PIEZO2: variants seen among roughly 807,000 people sequenced by gnomAD.
PIEZO2 encodes piezo-type mechanosensitive ion channel component 2.
A neutral mutation model predicts 337.3 loss-of-function variants in PIEZO2; 172 were observed. The observed-to-expected ratio is 0.51, with a 90% CI of 0.45 to 0.58. The LOEUF is 0.58. PIEZO2 is among the 20% of genes least tolerant of loss of function. The probability of loss-of-function intolerance (pLI) is 0.00; values close to 1 mark genes in which losing one functional copy is unlikely to be tolerated. For synonymous variants in PIEZO2, 1,251 were observed against 1,228.5 expected (o/e 1.02, Z -0.38); for missense variants, 3,028 against 3,391.3 (o/e 0.89, Z 2.66).
chr18:11,023,272 G>T (rs148875926), intron 2 of PIEZO2, among the ~76,000 whole-genome samples: 5 of 152,208 alleles, frequency 3.3e-5, no homozygotes, highest in African/African-American at 9.6e-5. Context: ...ACAGAGAGCC[G>T]AGTGGTCTGT....
chr18:11,091,276 C>T (rs1006406908), intron 1 of PIEZO2, among the ~76,000 whole-genome samples: 2 of 150,672 alleles, frequency 1.3e-5, no homozygotes, highest in African/African-American at 4.9e-5. Flanking sequence ...CCCAGCTACT[C>T]AAGAGGCTGA....
In PIEZO2 at chr18:10,893,755, A is replaced by G. The variant is rs185296664; in HGVS notation, c.329+17431T>C. ...TAGTTGTTAAATTTGGTGGGACCGAATGTTCAGTAACAGCTAACTGTTTAT... is the reference window on the plus strand; with the variant it reads ...TAGTTGTTAAATTTGGTGGGACCGAGTGTTCAGTAACAGCTAACTGTTTAT... On this transcript the variant is annotated intron_variant, in intron 4 of 55. Transcript: ENST00000674853. 8 of 152,348 alleles carry G rather than the reference A, an allele frequency of 5.3e-5. No individual in the cohort carries two copies. In the South Asian group the frequency reaches 6.2e-4, roughly 12 times the overall value. The allele number at this position is 152,348 out of a possible 1,614,324, so 9.4% of individuals were successfully genotyped here.
intron 1 of PIEZO2, among the ~76,000 whole-genome samples, chr18:11,072,506 C>T (rs989765845): frequency 5.3e-5 from 8 of 152,016 alleles, no homozygotes; most frequent in African/African-American, 1.9e-4. Flanking sequence ...ATGATTGTAC[C>T]ATCTTAAAGA....
chr18:10,988,436 A>G lies in PIEZO2; in HGVS notation c.161-8776T>C, dbSNP rs935562082. Among the ~76,000 whole-genome samples the G allele has an allele frequency of 2.0e-5, 3 of 152,220 alleles. No individual in the cohort carries two copies. Among genetic ancestry groups the G allele is most frequent in the Non-Finnish European group, 4.4e-5 (3 of 68,038 alleles). On this transcript the variant is annotated intron_variant, in intron 2 of 55. Coordinates refer to ENST00000674853, the MANE Select transcript of PIEZO2 (RefSeq NM_001378183.1). The surrounding 1 kb of genome is among the most constrained non-coding windows in gnomAD (Gnocchi z 4.8). Reference sequence around the variant, plus strand: ...GACTATTTTTGAAAAACAAAAGATAACAAGTGTTGGAGAGGGAAACATGGA... The same window carrying G: ...GACTATTTTTGAAAAACAAAAGATAGCAAGTGTTGGAGAGGGAAACATGGA...
In PIEZO2 at chr18:11,109,030, C is replaced by G. The variant is rs548322087; in HGVS notation, c.64+39495G>C. ...ACCAGCACCAAGGTGGGGGCGAACC[C>G]AGCCCACCAACAACTGCAGCTGCCA... On this transcript the variant is annotated intron_variant, in intron 1 of 55. Transcript: ENST00000674853. This position sits in a 1 kb window ranked among gnomAD's most constrained non-coding sequence, Gnocchi z 5.1. 1.3e-5 allele frequency among the ~76,000 whole-genome samples: 2 copies of G among 152,302 alleles called. No homozygotes were observed. The highest frequency in any genetic ancestry group is 2.9e-5 in the Non-Finnish European group (2 of 68,034).
rs535406853 is a variant in PIEZO2, at chr18:10,819,275, T to C, written c.918-12001A>G. 1.3e-5 allele frequency among the ~76,000 whole-genome samples: 2 copies of C among 152,260 alleles called. No homozygotes were observed. Among genetic ancestry groups the C allele is most frequent in the Non-Finnish European group, 2.9e-5 (2 of 68,040 alleles). Reference sequence around the variant, plus strand: ...TACAGTTAAATATTTATAAATGGTATACTGTTTTTTGGATAAAGAGGCAAT... The same window carrying C: ...TACAGTTAAATATTTATAAATGGTACACTGTTTTTTGGATAAAGAGGCAAT... On this transcript the variant is annotated intron_variant, in intron 7 of 55. Transcript: ENST00000674853. This position sits in a 1 kb window ranked among gnomAD's most constrained non-coding sequence, Gnocchi z 4.3.
At chr18:10,858,948 A>G (rs1598593841) in intron 5 of PIEZO2, among the ~76,000 whole-genome samples, 1 of 152,202 alleles carries the variant, frequency 6.6e-6, no homozygotes, top group East Asian at 1.9e-4. Flanking sequence ...AGATTTTTCT[A>G]CCCATACAGG....
At chr18:10,841,236 A>G (rs2041183080) in intron 7 of PIEZO2, among the ~76,000 whole-genome samples, 1 of 151,096 alleles carries the variant, frequency 6.6e-6, no homozygotes, top group Admixed American at 6.6e-5. Flanking sequence ...GTAGATCTCA[A>G]TCTTTGAGGG....
intron 2 of PIEZO2, among the ~76,000 whole-genome samples, chr18:11,062,761 C>T (rs1270074223): frequency 6.6e-6 from 1 of 152,154 alleles, no homozygotes; most frequent in Non-Finnish European, 1.5e-5. Flanking sequence ...CAGGAAACAA[C>T]AGGTGCTGGA....
In PIEZO2 at chr18:10,886,327, T is replaced by TATATATATATATATATATATACATATAC. The variant is rs1555669468; in HGVS notation, c.330-14913_330-14912insGTATATGTATATATATATATATATATAT. On this transcript the variant is annotated intron_variant, in intron 4 of 55. Transcript: ENST00000674853. ...TGGTACCAAACCCTATACATACATA[T>TATATATATATATATATATATACATATAC]ATATATATATATATATACACACACA... 2.6e-4 allele frequency among the ~76,000 whole-genome samples: 7 copies of TATATATATATATATATATATACATATAC among 26,762 alleles called. 2 individuals are homozygous for TATATATATATATATATATATACATATAC. Among genetic ancestry groups the TATATATATATATATATATATACATATAC allele is most frequent in the African/African-American group, 5.9e-4 (2 of 3,370 alleles). The allele number at this position is 26,762 out of a possible 152,430, so 17.6% of individuals were successfully genotyped here. A position where few individuals can be genotyped will look rare whatever the true frequency, so the allele number is the denominator to read the frequency against.
intron 3 of PIEZO2, among the ~76,000 whole-genome samples, chr18:10,939,037 G>C (rs891286217): frequency 5.9e-5 from 9 of 151,626 alleles, no homozygotes; most frequent in Non-Finnish European, 1.0e-4. Context: ...ACAGTGAGCC[G>C]AAATCATGTC....
At chr18:11,043,354 A>T (rs925512207) in intron 2 of PIEZO2, among the ~76,000 whole-genome samples, 2 of 152,210 alleles carry the variant, frequency 1.3e-5, no homozygotes, top group Non-Finnish European at 2.9e-5. Context: ...TTCAACTTCA[A>T]ATACAAATGA....
chr18:10,934,565 C>G (rs1334165823), intron 3 of PIEZO2, among the ~76,000 whole-genome samples: 1 of 151,906 alleles, frequency 6.6e-6, no homozygotes, highest in Non-Finnish European at 1.5e-5. Flanking sequence ...CGACTGATCT[C>G]AGTCAGTAAC....
chr18:10,986,716 C>A (rs972525189), intron 2 of PIEZO2, among the ~76,000 whole-genome samples: 2 of 151,624 alleles, frequency 1.3e-5, no homozygotes, highest in Non-Finnish European at 2.9e-5. Flanking sequence ...AAGTACTAAC[C>A]GGAACAGTTA....
chr18:11,042,930 G>T (rs2037175876), intron 2 of PIEZO2, among the ~76,000 whole-genome samples: 1 of 152,058 alleles, frequency 6.6e-6, no homozygotes, highest in African/African-American at 2.4e-5. Context: ...AAGAATCTGA[G>T]GATAATTATT....
At chr18:10,691,782 C>CACACACACACACACACATATATATAT in intron 47 of PIEZO2, among the ~76,000 whole-genome samples, 2 of 96,612 alleles carry the variant, frequency 2.1e-5, no homozygotes, top group Admixed American at 1.1e-4. Context: ...CACACACACA[C>CACACACACACACACACATATATATAT]ATATATATAT....
At position 10,748,772 on chromosome 18, in the gene PIEZO2, T is replaced by C; in HGVS notation, c.4265-142A>G. 2.7e-6 allele frequency: 2 copies of C among 752,776 alleles called. No homozygotes were observed. The highest frequency in any genetic ancestry group is 4.1e-6 in the Non-Finnish European group (2 of 493,084). The allele number at this position is 752,776 out of a possible 1,614,324, so 46.6% of individuals were successfully genotyped here. ...GCTCTGACTTACTTATGAGTTGATTTATTTACAAGGAGATCACACACTTCC... is the reference window on the plus strand; with the variant it reads ...GCTCTGACTTACTTATGAGTTGATTCATTTACAAGGAGATCACACACTTCC... On this transcript the variant is annotated intron_variant, in intron 29 of 55. Coordinates refer to ENST00000674853, the MANE Select transcript of PIEZO2 (RefSeq NM_001378183.1). This position sits in a 1 kb window ranked among gnomAD's most constrained non-coding sequence, Gnocchi z 5.1.
At chr18:11,022,505 C>T (rs763001315) in intron 2 of PIEZO2, among the ~76,000 whole-genome samples, 1 of 152,184 alleles carries the variant, frequency 6.6e-6, no homozygotes, top group Non-Finnish European at 1.5e-5. Flanking sequence ...TTGGTTTCTC[C>T]TGGGGCCTCT....
At chr18:10,745,779 G>C (rs964518750) in intron 30 of PIEZO2, among the ~76,000 whole-genome samples, 5 of 152,014 alleles carry the variant, frequency 3.3e-5, no homozygotes, top group African/African-American at 1.2e-4. Flanking sequence ...CTATCTGTGT[G>C]ATGATGGCAC....
Sources: allele counts gnomAD v4.1 joint callset (sites outside exome capture counted in the v4.1 genomes callset), GRCh38; gene constraint gnomAD v4.1.1; non-coding constraint Gnocchi (gnomAD v3.1); transcripts MANE v1.5; gene names NCBI Gene and HGNC (gene_info 2026-07-23, HGNC 2026-07-21).